SMARCE1: variants seen among roughly 807,000 people sequenced by gnomAD.
The protein encoded by SMARCE1 is SWI/SNF-related matrix-associated actin-dependent regulator of chromatin subfamily E member 1.
A neutral mutation model predicts 54.9 loss-of-function variants in SMARCE1; 13 were observed. The ratio of observed to expected loss-of-function variants is 0.24; its 90% confidence interval spans 0.15 to 0.38. SMARCE1 has a LOEUF of 0.38. SMARCE1 is among the 10% of genes least tolerant of loss of function. The probability of loss-of-function intolerance (pLI) is 1.00; values close to 1 mark genes in which losing one functional copy is unlikely to be tolerated. For missense variants in SMARCE1, 295 were observed against 523.8 expected (o/e 0.56, Z 4.26); for synonymous variants, 151 against 175.3 (o/e 0.86, Z 1.10).
At chr17:40,645,744 G>A in intron 2 of SMARCE1, 52 bp downstream of exon 2, 3 of 1,073,846 alleles carry the variant, frequency 2.8e-6, no homozygotes, top group Non-Finnish European at 3.9e-6. Flanking sequence ...CACTTGCTAG[G>A]GCATTAGTCT....
intron 7 of SMARCE1, 54 bp from the exon 8 acceptor site, chr17:40,632,421 G>C: frequency 6.7e-7 from 1 of 1,490,490 alleles, no homozygotes. Context: ...ATAAAAAGGA[G>C]TGTAACAATG....
chr17:40,631,304 T>A, intron 9 of SMARCE1: 1 of 326,178 alleles, frequency 3.1e-6, no homozygotes, highest in South Asian at 7.0e-5. Flanking sequence ...TAAATCACAA[T>A]AAAATGAAAG....
At chr17:40,644,677 G>T (rs962873928) in intron 3 of SMARCE1, 1 of 152,162 alleles carries the variant, frequency 6.6e-6, no homozygotes, top group African/African-American at 2.4e-5. Flanking sequence ...GTATCTGAGG[G>T]TTAGTAAATA....
At position 40,632,299 on chromosome 17, in the gene SMARCE1, T is replaced by C; in HGVS notation, c.610A>G (p.Ser204Gly). 1 of 1,614,078 alleles carries C rather than the reference T, an allele frequency of 6.2e-7. No homozygotes were observed. The highest frequency in any genetic ancestry group is 8.5e-7 in the Non-Finnish European group (1 of 1,179,926). The part of the protein sequence containing the change: ...ARFQRNHRLI[S>G]EILSESVVPD... ...ACCACACTCTCACTAAGAATTTCAC[T>C]GATGAGGCGGTGGTTTCTCTGGAAA... is the stretch of plus-strand genomic sequence containing the variant. The change falls in exon 8 of 11, where the codon AGT (serine) becomes GGT (glycine). Residue 204 changes from serine to glycine, a missense_variant. Ser to Gly is a moderately conservative substitution (Grantham distance 56). Transcript: ENST00000348513.
At position 40,642,081 on chromosome 17, in the gene SMARCE1, T is replaced by C; in HGVS notation, c.156+374A>G. ...AAGCCAGGTCTGAAAGACCAGCCTC[T>C]ACTAGAAACTCAATCCTTGAGACTA... On this transcript the variant is annotated intron_variant, in intron 4 of 10. Transcript: ENST00000348513. This position sits in a 1 kb window ranked among gnomAD's most constrained non-coding sequence, Gnocchi z 4.6. 1 of 315,374 alleles carries C rather than the reference T, an allele frequency of 3.2e-6. No individual in the cohort carries two copies. Among genetic ancestry groups the C allele is most frequent in the Non-Finnish European group, 5.7e-6 (1 of 174,794 alleles). 19.5% of individuals were successfully genotyped at this position (315,374 alleles called of 1,614,324 possible). A position where few individuals can be genotyped will look rare whatever the true frequency, so the allele number is the denominator to read the frequency against.
intron 3 of SMARCE1, chr17:40,644,306 C>T (rs2037229763): frequency 6.7e-6 from 1 of 148,990 alleles, no homozygotes; most frequent in African/African-American, 2.5e-5. Context: ...AATCACTGTT[C>T]AACATTATGA....
intron 3 of SMARCE1, chr17:40,644,751 C>T (rs956326308): frequency 6.6e-6 from 1 of 152,072 alleles, no homozygotes; most frequent in African/African-American, 2.4e-5. Context: ...GAAAAGTAGA[C>T]TAGCCTGAAA....
chr17:40,629,358 CAT>C (rs1302241843), intron 10 of SMARCE1: 3 of 420,836 alleles, frequency 7.1e-6, no homozygotes, highest in African/African-American at 2.0e-5. Flanking sequence ...TTAAATAAAA[CAT>C]ATTGTTAAAA....
chr17:40,637,675 G>A (rs527417786), intron 4 of SMARCE1, 103 bp from the exon 5 acceptor site: 6 of 804,026 alleles, frequency 7.5e-6, no homozygotes, highest in African/African-American at 5.2e-5. Flanking sequence ...TCTTCTATTC[G>A]TCCAAATATT....
intron 7 of SMARCE1, chr17:40,635,270 T>C (rs927669170): frequency 6.7e-6 from 1 of 149,818 alleles, no homozygotes; most frequent in Non-Finnish European, 1.5e-5. Context: ...ACACTAGATA[T>C]GTGGTTGAGT....
At chr17:40,633,548 A>G (rs1316049905) in intron 7 of SMARCE1, 1 of 152,188 alleles carries the variant, frequency 6.6e-6, no homozygotes, top group Non-Finnish European at 1.5e-5. Context: ...GAGGAACCAC[A>G]CTTAAGAAAA....
rs1301113957 is a variant in SMARCE1, at chr17:40,628,748, A to T, written c.*37T>A. On this transcript the variant is annotated 3_prime_UTR_variant, in exon 11 of 11. Coordinates refer to ENST00000348513, the MANE Select transcript of SMARCE1 (RefSeq NM_003079.5). ...TAAAACCAAAAAACATTTTTTCATT[A>T]AAAAAAGTATTTAGAACACACAAAA... The T allele has an allele frequency of 1.3e-6, 2 of 1,529,296 alleles. No individual in the cohort carries two copies. The highest frequency in any genetic ancestry group is 1.4e-5 in the African/African-American group (1 of 72,982). 94.7% of individuals were successfully genotyped at this position (1,529,296 alleles called of 1,614,324 possible).
In SMARCE1 at chr17:40,631,705, G is replaced by A. The variant is rs769970957; in HGVS notation, c.715-12C>T. On this transcript the variant is annotated splice_polypyrimidine_tract_variant and intron_variant, in intron 8 of 10. Transcript: ENST00000348513. ...GCTTCTAGTTTTCGCTGCAAGACAG[G>A]ATCAGGCTTCATAATTGTGTCTCAT... The A allele has an allele frequency of 6.8e-7, 1 of 1,465,062 alleles. No individual in the cohort carries two copies. The highest frequency in any genetic ancestry group is 9.6e-7 in the Non-Finnish European group (1 of 1,045,894). 90.8% of individuals were successfully genotyped at this position (1,465,062 alleles called of 1,614,324 possible).
At position 40,636,222 on chromosome 17, in the gene SMARCE1, T is replaced by G. The variant is rs1036888823; in HGVS notation, c.370-120A>C. ...TAAACAGGGTGTTGGGATAATTATC[T>G]CCTTTTTACAGGCAAGAAATCTGAG... On this transcript the variant is annotated intron_variant, in intron 6 of 10. Coordinates refer to ENST00000348513, the MANE Select transcript of SMARCE1 (RefSeq NM_003079.5). 1.3e-5 allele frequency: 16 copies of G among 1,192,136 alleles called. No individual in the cohort carries two copies. The African/African-American group carries it at 2.5e-4, about 18-fold the overall frequency. The allele number at this position is 1,192,136 out of a possible 1,614,324, so 73.8% of individuals were successfully genotyped here.
chr17:40,631,506 AAAAACACT>A, intron 9 of SMARCE1, 78 bp downstream of exon 9: 1 of 729,198 alleles, frequency 1.4e-6, no homozygotes, highest in East Asian at 2.5e-5. Context: ...AACATTCAAT[AAAAACACT>A]ATTTTGGAAA....
Position 40,628,535 on chromosome 17 carries a change from A to T in SMARCE1, c.*250T>A. ...AAAAGAGGTGGGTGTTTTCTCAATTAATCTAAATTCTGAGGCTTTCAGCAG... is the reference window on the plus strand; with the variant it reads ...AAAAGAGGTGGGTGTTTTCTCAATTTATCTAAATTCTGAGGCTTTCAGCAG... On this transcript the variant is annotated 3_prime_UTR_variant, in exon 11 of 11. Transcript: ENST00000348513. The T allele has an allele frequency of 2.3e-6, 1 of 426,190 alleles. No homozygotes were observed. Among genetic ancestry groups the T allele is most frequent in the Non-Finnish European group, 4.3e-6 (1 of 234,420 alleles). The allele number at this position is 426,190 out of a possible 1,614,324, so 26.4% of individuals were successfully genotyped here.
At position 40,628,913 on chromosome 17, in the gene SMARCE1, C is replaced by T. The variant is rs2143980642; in HGVS notation, c.1108G>A (p.Gly370Arg). 1.2e-6 allele frequency: 2 copies of T among 1,613,782 alleles called. No homozygotes were observed. The highest frequency in any genetic ancestry group is 1.7e-6 in the Non-Finnish European group (2 of 1,179,774). Reference sequence around the variant, plus strand: ...GCCATACTGTCGACCCCCTCCTGCCCACTCTCCTTGTCCTCAGGAGTAGAC... The same window carrying T: ...GCCATACTGTCGACCCCCTCCTGCCTACTCTCCTTGTCCTCAGGAGTAGAC... ...GTSTPEDKES[G>R]QEGVDSMAEE... is the part of the protein sequence containing the mutation. Residue 370 changes from glycine (G) to arginine (R), a missense_variant, in exon 11 of 11, where the codon GGG becomes AGG. This residue lies in a region of SMARCE1 where 147 missense variants were observed against 161.4 expected (regional missense o/e 0.91). Transcript: ENST00000348513.
At chr17:40,638,358 CAG>C (rs2037165152) in intron 4 of SMARCE1, among the ~76,000 whole-genome samples, 1 of 150,526 alleles carries the variant, frequency 6.6e-6, no homozygotes, top group Admixed American at 6.6e-5. Context: ...ATGGGAAAGA[CAG>C]AGGAAAAGGA....
At chr17:40,634,524 C>T (rs1487431252) in intron 7 of SMARCE1, 2 of 152,226 alleles carry the variant, frequency 1.3e-5, no homozygotes, top group African/African-American at 2.4e-5. Context: ...ATTTGACATA[C>T]ATTTCCACCT....
Sources: allele counts gnomAD v4.1 joint callset (sites outside exome capture counted in the v4.1 genomes callset), GRCh38; gene constraint gnomAD v4.1.1; regional missense constraint gnomAD v4.1.1; non-coding constraint Gnocchi (gnomAD v3.1); transcripts MANE v1.5; gene names NCBI Gene and HGNC (gene_info 2026-07-23, HGNC 2026-07-21).